HDGFL2: variants seen among roughly 807,000 people sequenced by gnomAD.
HDGFL2 encodes the protein HDGF like 2.
In HDGFL2, 36 loss-of-function variants were observed where a neutral mutation model predicts 77.1. The ratio of observed to expected loss-of-function variants is 0.47; its 90% CI spans 0.36 to 0.62. The LOEUF (loss-of-function observed/expected upper bound fraction) is 0.62, where lower values mean the gene tolerates loss of function less well. Among genes scored for constraint, HDGFL2 ranks in the 20% least tolerant of loss-of-function variants. HDGFL2 has a pLI of 0.00. For synonymous variants in HDGFL2, 463 were observed against 413.1 expected (o/e 1.12, Z -1.46); for missense variants, 976 against 973.4 (o/e 1.00, Z -0.04).
intron 10 of HDGFL2, 141 bp from the exon 11 acceptor site, chr19:4,497,817 G>A (rs963905969): frequency 4.1e-5 from 29 of 711,936 alleles, no homozygotes; most frequent in Non-Finnish European, 5.8e-5. Context: ...GGGCCTCCCC[G>A]CCTCCCGTTT....
intron 9 of HDGFL2, among the ~76,000 whole-genome samples, 188 bp from the exon 10 acceptor site, chr19:4,496,114 A>G (rs1975694279): frequency 6.6e-6 from 1 of 152,134 alleles, no homozygotes; most frequent in African/African-American, 2.4e-5. Flanking sequence ...CTGGGCTCCA[A>G]GAACCCCACG....
chr19:4,495,899 A>T (rs556698773), intron 9 of HDGFL2, among the ~76,000 whole-genome samples: 1 of 152,192 alleles, frequency 6.6e-6, no homozygotes, highest in South Asian at 2.1e-4. Flanking sequence ...TCTCACCTAG[A>T]CTGAGTGCCT....
chr19:4,495,628 G>T (rs1028875244), intron 9 of HDGFL2, among the ~76,000 whole-genome samples: 2 of 152,126 alleles, frequency 1.3e-5, no homozygotes, highest in Non-Finnish European at 2.9e-5. Flanking sequence ...CATGTGGGCT[G>T]CAGGGAGGAT....
At chr19:4,476,957 G>A (rs1409321709) in intron 3 of HDGFL2, among the ~76,000 whole-genome samples, 1 of 151,970 alleles carries the variant, frequency 6.6e-6, no homozygotes, top group African/African-American at 2.4e-5. Context: ...GAGGCCCAGG[G>A]AACTGACCAC....
At chr19:4,495,499 G>A (rs573249289) in intron 9 of HDGFL2, among the ~76,000 whole-genome samples, 25 of 152,132 alleles carry the variant, frequency 1.6e-4, no homozygotes, top group African/African-American at 5.8e-4. Context: ...CAGGCCCAGA[G>A]GACTGCGCCT....
chr19:4,474,361 C>T (rs577200877), intron 1 of HDGFL2, among the ~76,000 whole-genome samples: 4 of 152,212 alleles, frequency 2.6e-5, no homozygotes, highest in Middle Eastern at 3.4e-3. Flanking sequence ...GGCTGGTCCT[C>T]GGGTGGACTG....
intron 3 of HDGFL2, among the ~76,000 whole-genome samples, chr19:4,486,698 G>C (rs554250445): frequency 6.6e-6 from 1 of 151,826 alleles, no homozygotes; most frequent in Non-Finnish European, 1.5e-5. Context: ...AATACACCTG[G>C]CGCTCATACA....
intron 1 of HDGFL2, among the ~76,000 whole-genome samples, chr19:4,472,722 TG>T (rs1159774163): frequency 4.7e-5 from 7 of 147,920 alleles, no homozygotes; most frequent in African/African-American, 1.5e-4. Context: ...CCTCGGGGCC[TG>T]GGGGTCCTGG....
intron 10 of HDGFL2, among the ~76,000 whole-genome samples, chr19:4,496,610 C>A (rs892225994): frequency 1.3e-5 from 2 of 152,168 alleles, no homozygotes; most frequent in African/African-American, 4.8e-5. Flanking sequence ...GGGTCTCCTC[C>A]AGGGCGATCC....
At chr19:4,493,114 T>A (rs1243787937) in intron 6 of HDGFL2, among the ~76,000 whole-genome samples, 1 of 102,380 alleles carries the variant, frequency 9.8e-6, no homozygotes, top group East Asian at 2.9e-4. Flanking sequence ...GTGTGTGTGT[T>A]GTCTGTGTGT....
chr19:4,482,151 G>A (rs1041634182), intron 3 of HDGFL2, among the ~76,000 whole-genome samples: 2 of 145,548 alleles, frequency 1.4e-5, no homozygotes, highest in Non-Finnish European at 3.0e-5. Context: ...TCCTGCCTCA[G>A]CCTCCCACAG....
chr19:4,497,405 G>A (rs1310658729), intron 10 of HDGFL2: 4 of 317,082 alleles, frequency 1.3e-5, no homozygotes, highest in African/African-American at 6.8e-5. Context: ...CACCGTGTTG[G>A]CCAGGATGGT....
At chr19:4,481,336 G>T (rs1339731868) in intron 3 of HDGFL2, among the ~76,000 whole-genome samples, 1 of 151,852 alleles carries the variant, frequency 6.6e-6, no homozygotes, top group East Asian at 1.9e-4. Flanking sequence ...GACTACAGGC[G>T]CCCGCCACCA....
At chr19:4,498,652 C>G (rs1363509745) in intron 12 of HDGFL2, among the ~76,000 whole-genome samples, 162 bp from the exon 13 acceptor site, 2 of 152,108 alleles carry the variant, frequency 1.3e-5, no homozygotes, top group African/African-American at 2.4e-5. Flanking sequence ...CTGGCTATCC[C>G]TGGAGTTCCC....
rs557632925 is a variant in HDGFL2 at position 4,497,975 on chromosome 19, G to A, written c.1346G>A (p.Arg449Gln). 1.3e-5 allele frequency: 20 copies of A among 1,554,878 alleles called. No homozygotes were observed. Among genetic ancestry groups the A allele is most frequent in the South Asian group, 7.1e-5 (6 of 84,280 alleles). ...CTCCACAGGCCCGTGAAGGTGGAGC[G>A]GACCCGGAAGCGGTCCGAGGGCTTC... Reference protein sequence around the residue: ...KQQAKPVKVERTRKRSEGFSM... With the variant: ...KQQAKPVKVEQTRKRSEGFSM... Residue 449 changes from arginine (R) to glutamine (Q), a missense_variant, in exon 11 of 16, where the codon CGG becomes CAG. By Grantham distance (43) the Arg-to-Gln change is conservative (BLOSUM62 1). Transcript: ENST00000616600.
intron 12 of HDGFL2, 146 bp downstream of exon 12, chr19:4,498,522 GGGGTCT>G: frequency 1.5e-6 from 1 of 681,010 alleles, no homozygotes; most frequent in East Asian, 2.7e-5. Context: ...GTGAGCGCAT[GGGGTCT>G]CCTGGCCAAG....
At chr19:4,481,176 C>A (rs1375024394) in intron 3 of HDGFL2, among the ~76,000 whole-genome samples, 1 of 145,454 alleles carries the variant, frequency 6.9e-6, no homozygotes, top group East Asian at 2.1e-4. Flanking sequence ...CGTCCCCCAC[C>A]ACGCCTGGCT....
rs1380680027 is a variant in HDGFL2, at chr19:4,494,342, G to C, written c.1091G>C (p.Arg364Pro). ...CGGGCCGACCGCGGGGAGGCTGAGC[G>C]GGGCAGCGGCGGCAGCAGCGGGGAC... The part of the protein sequence containing the change: ...RERADRGEAE[R>P]GSGGSSGDEL... Residue 364 changes from arginine to proline, a missense_variant, in exon 9 of 16, where the codon CGG becomes CCG. By Grantham distance (103) the Arg-to-Pro change is moderately radical. Coordinates refer to ENST00000616600, the MANE Select transcript of HDGFL2 (RefSeq NM_001001520.3). The C allele has an allele frequency of 1.3e-5, 19 of 1,409,660 alleles. No homozygotes were observed. Among genetic ancestry groups the C allele is most frequent in the Non-Finnish European group, 1.7e-5 (18 of 1,086,152 alleles). 87.3% of individuals were successfully genotyped at this position (1,409,660 alleles called of 1,614,324 possible).
At chr19:4,500,450 T>C (rs1315956820) in intron 14 of HDGFL2, among the ~76,000 whole-genome samples, 1 of 114,928 alleles carries the variant, frequency 8.7e-6, no homozygotes, top group East Asian at 2.6e-4. Context: ...TATGCCCTGC[T>C]AATTTTTTTT....
Sources: gnomAD v4.1 joint callset for allele counts (sites outside exome capture counted in the v4.1 genomes callset) on GRCh38, gnomAD v4.1.1 for gene constraint, MANE v1.5 for transcripts, NCBI Gene and HGNC (gene_info 2026-07-23, HGNC 2026-07-21) for gene names.